Variants in RASAL1 observed in about 807,000 individuals in gnomAD.
RASAL1 encodes RAS protein activator like 1, also known as rasGAP-activating-like protein 1.
RASAL1 carries 72 observed loss-of-function variants against 96.6 expected under a neutral mutation model. That is an observed-to-expected ratio of 0.75 (90% CI 0.62 to 0.91). The LOEUF (loss-of-function observed/expected upper bound fraction) is 0.91. Ranked by LOEUF, RASAL1 falls within the 40% of genes least tolerant of loss-of-function variation. The pLI is 0.00. For synonymous variants in RASAL1, 405 were observed against 430.4 expected (o/e 0.94, Z 0.73); for missense variants, 1,016 against 1,072.5 (o/e 0.95, Z 0.74).
At chr12:113,125,650 T>A (rs1951454109) in intron 4 of RASAL1, among the ~76,000 whole-genome samples, 1 of 151,986 alleles carries the variant, frequency 6.6e-6, no homozygotes, top group African/African-American at 2.4e-5. Flanking sequence ...ACTGAGAGAG[T>A]GTGGGGTGAG....
In RASAL1 at chr12:113,130,711, G is replaced by A. The variant is rs1714438301; in HGVS notation, c.122+174C>T. ...ATTAGGTCCAGAGGGGGAAGGCAGGGCTGGTCGGGGAGAGGAGCTGGCAGT... is the reference window on the plus strand; with the variant it reads ...ATTAGGTCCAGAGGGGGAAGGCAGGACTGGTCGGGGAGAGGAGCTGGCAGT... On this transcript the variant is annotated intron_variant, in intron 2 of 20. Coordinates refer to ENST00000548055, the MANE Select transcript of RASAL1 (RefSeq NM_001301202.2). The surrounding 1 kb of genome is among the most constrained non-coding windows in gnomAD (Gnocchi z 5.1). 6.6e-6 allele frequency among the ~76,000 whole-genome samples: 1 copy of A among 152,162 alleles called. No homozygotes were observed. Among genetic ancestry groups the A allele is most frequent in the African/African-American group, 2.4e-5 (1 of 41,436 alleles).
intron 4 of RASAL1, among the ~76,000 whole-genome samples, chr12:113,124,172 C>A (rs1029738388): frequency 7.1e-6 from 1 of 141,446 alleles, no homozygotes; most frequent in Non-Finnish European, 1.5e-5. Flanking sequence ...GATCTGAGAT[C>A]ATGCCACTAC....
At position 113,115,971 on chromosome 12, in the gene RASAL1, A is replaced by C; in HGVS notation, c.812T>G (p.Met271Arg). The change falls in exon 9 of 21, where the codon ATG becomes AGG. Residue 271 changes from methionine (M) to arginine (R), a missense_variant. By Grantham distance (91) the Met-to-Arg change is moderately conservative. Coordinates refer to ENST00000548055, the MANE Select transcript of RASAL1 (RefSeq NM_001301202.2). The surrounding 1 kb of genome is among the most constrained non-coding windows in gnomAD (Gnocchi z 4.1). Reference sequence around the variant, plus strand: ...CTGCACAGACTCCATGAGCAGCTCCATGAGAGGCTGGTAGCACTGGGAGGG... The same window carrying C: ...CTGCACAGACTCCATGAGCAGCTCCCTGAGAGGCTGGTAGCACTGGGAGGG... ...VLPSQCYQPLMELLMESVQGP... is the reference protein window; with the variant it reads ...VLPSQCYQPLRELLMESVQGP... 6.2e-7 allele frequency: 1 copy of C among 1,609,580 alleles called. No homozygotes were observed. The highest frequency in any genetic ancestry group is 8.5e-7 in the Non-Finnish European group (1 of 1,177,518).
intron 18 of RASAL1, 113 bp downstream of exon 18, chr12:113,103,833 T>A: frequency 1.5e-6 from 2 of 1,353,490 alleles, no homozygotes; most frequent in Non-Finnish European, 2.0e-6. Flanking sequence ...GACTGAGGCA[T>A]AGAGAGGTTG....
intron 14 of RASAL1, 70 bp from the exon 15 acceptor site, chr12:113,107,311 A>T: frequency 6.8e-7 from 1 of 1,467,574 alleles, no homozygotes; most frequent in Non-Finnish European, 9.1e-7. Flanking sequence ...CTGGCTCCCA[A>T]ATCAGTGCTC....
Position 113,117,129 on chromosome 12 carries a change from C to CT in RASAL1, c.674dup (p.Pro226AlafsTer3), listed in dbSNP as rs765379930. 1 of 1,609,738 alleles carries CT rather than the reference C, an allele frequency of 6.2e-7. No individual in the cohort carries two copies. Among genetic ancestry groups the CT allele is most frequent in the Admixed American group, 1.7e-5 (1 of 59,788 alleles). On this transcript the variant is annotated frameshift_variant, in exon 8 of 21. Transcript: ENST00000548055. LOFTEE classifies it high-confidence loss of function. ...GGAGGCGGAACCAGCCTTTAGGTGGCTTCTGCTGGAGGGTCTTTGGAGAGA... is the reference window on the plus strand; with the variant it reads ...GGAGGCGGAACCAGCCTTTAGGTGGCTTTCTGCTGGAGGGTCTTTGGAGAGA...
intron 1 of RASAL1, among the ~76,000 whole-genome samples, chr12:113,131,969 T>TTC (rs1491258076): frequency 1.9e-5 from 2 of 102,750 alleles, no homozygotes; most frequent in African/African-American, 4.6e-5. Flanking sequence ...CTTCTTCTTC[T>TTC]TTTTTTTTTT....
In RASAL1 at chr12:113,129,524, G is replaced by A. The variant is rs1030973326; in HGVS notation, c.123-1346C>T. Reference sequence around the variant, plus strand: ...GACCAAGATAAGCCCAGAAACAGGTGCACACACACAGCATCTCTGCCCTGA... The same window carrying A: ...GACCAAGATAAGCCCAGAAACAGGTACACACACACAGCATCTCTGCCCTGA... On this transcript the variant is annotated intron_variant, in intron 2 of 20. Coordinates refer to ENST00000548055, the MANE Select transcript of RASAL1 (RefSeq NM_001301202.2). This position sits in a 1 kb window ranked among gnomAD's most constrained non-coding sequence, Gnocchi z 5.0. Among the ~76,000 whole-genome samples, 7 of 151,968 alleles carry A rather than the reference G, an allele frequency of 4.6e-5. No homozygotes were observed. Among genetic ancestry groups the A allele is most frequent in the African/African-American group, 1.7e-4 (7 of 41,358 alleles).
At chr12:113,127,991 C>G in intron 3 of RASAL1, 74 bp downstream of exon 3, 1 of 1,561,016 alleles carries the variant, frequency 6.4e-7, no homozygotes, top group Non-Finnish European at 8.8e-7. Flanking sequence ...GGCTGTGGAC[C>G]CACATCCCCT....
chr12:113,127,348 CA>C (rs1345559263), intron 4 of RASAL1, among the ~76,000 whole-genome samples: 1 of 152,052 alleles, frequency 6.6e-6, no homozygotes, highest in Non-Finnish European at 1.5e-5. Context: ...ATTAACTGCT[CA>C]AAAACTAAAG....
Position 113,108,183 on chromosome 12 carries a change from G to C in RASAL1, c.1414C>G (p.Arg472Gly), listed in dbSNP as rs145374624. Residue 472 changes from arginine to glycine, a missense_variant, in exon 14 of 21, where the codon CGA becomes GGA. Arg to Gly is a moderately radical substitution (Grantham distance 125, BLOSUM62 -2). Coordinates refer to ENST00000548055, the MANE Select transcript of RASAL1 (RefSeq NM_001301202.2). ...YLAISGFLFL[R>G]FFAPAILTPK... Reference sequence around the variant, plus strand: ...GTAAGGATGGCAGGTGCGAAGAATCGCAAGAAGAGAAATCCACTGATGGCC... The same window carrying C: ...GTAAGGATGGCAGGTGCGAAGAATCCCAAGAAGAGAAATCCACTGATGGCC... 20 of 1,613,244 alleles carry C rather than the reference G, an allele frequency of 1.2e-5. No homozygotes were observed. The highest frequency in any genetic ancestry group is 4.5e-5 in the East Asian group (2 of 44,832).
At chr12:113,117,450 T>C (rs2136192555) in intron 7 of RASAL1, among the ~76,000 whole-genome samples, 1 of 152,346 alleles carries the variant, frequency 6.6e-6, no homozygotes. Flanking sequence ...AGATAGCATG[T>C]CTGGACTGAG....
chr12:113,101,946 G>A lies in RASAL1; in HGVS notation c.2168C>T (p.Pro723Leu). ...TLGDWSDPLD[P>L]DAEAQTVYRQ... ...ATACACTGTCTGGGCCTCAGCATCAGGATCCAGTGGGTCACTCCAGTCCCC... is the reference window on the plus strand; with the variant it reads ...ATACACTGTCTGGGCCTCAGCATCAAGATCCAGTGGGTCACTCCAGTCCCC... The change falls in exon 19 of 21, where the codon CCT becomes CTT. Residue 723 changes from proline to leucine, a missense_variant. Pro to Leu is a moderately conservative substitution (Grantham distance 98). Coordinates refer to ENST00000548055, the MANE Select transcript of RASAL1 (RefSeq NM_001301202.2). 6.2e-7 allele frequency: 1 copy of A among 1,614,176 alleles called. No homozygotes were observed. The highest frequency in any genetic ancestry group is 8.5e-7 in the Non-Finnish European group (1 of 1,180,028).
At chr12:113,102,434 T>C (rs1218045244) in intron 18 of RASAL1, among the ~76,000 whole-genome samples, 1 of 152,214 alleles carries the variant, frequency 6.6e-6, no homozygotes, top group Non-Finnish European at 1.5e-5. Flanking sequence ...GGCTCATGCC[T>C]GTAATCTCAG....
At chr12:113,108,371 T>C in intron 13 of RASAL1, 149 bp from the exon 14 acceptor site, 1 of 975,298 alleles carries the variant, frequency 1.0e-6, no homozygotes, top group South Asian at 1.7e-5. Context: ...CGAGGAAGTT[T>C]TTCCTCTCTG....
chr12:113,109,469 G>T (rs1439602141), intron 13 of RASAL1, among the ~76,000 whole-genome samples: 1 of 151,942 alleles, frequency 6.6e-6, no homozygotes, highest in Non-Finnish European at 1.5e-5. Context: ...TGTGAATCCG[G>T]GGCCTGGCCC....
Position 113,130,896 on chromosome 12 carries a change from C to CTCG in RASAL1, c.108_110dup (p.Asp36dup), listed in dbSNP as rs1951680467. 6.2e-7 allele frequency: 1 copy of CTCG among 1,613,498 alleles called. No individual in the cohort carries two copies. Among genetic ancestry groups the CTCG allele is most frequent in the South Asian group, 1.1e-5 (1 of 91,024 alleles). On this transcript the variant is annotated inframe_insertion, in exon 2 of 21. Coordinates refer to ENST00000548055, the MANE Select transcript of RASAL1 (RefSeq NM_001301202.2). This position sits in a 1 kb window ranked among gnomAD's most constrained non-coding sequence, Gnocchi z 5.1. ...TCGCCACCCCTCACCTGGCCACCAC[C>CTCG]TCGTCGTCCACTTTCACTAGGCAGT...
At position 113,099,819 on chromosome 12, in the gene RASAL1, A is replaced by C; in HGVS notation, c.*110T>G. On this transcript the variant is annotated 3_prime_UTR_variant, in exon 21 of 21. Transcript: ENST00000548055. ...ACTAGGCACGTCTCTGGGAGCCTCCAAACCACAGAATCAAAGAGGTCCAAG... is the reference window on the plus strand; with the variant it reads ...ACTAGGCACGTCTCTGGGAGCCTCCCAACCACAGAATCAAAGAGGTCCAAG... 1 of 1,466,172 alleles carries C rather than the reference A, an allele frequency of 6.8e-7. No individual in the cohort carries two copies. The highest frequency in any genetic ancestry group is 9.2e-7 in the Non-Finnish European group (1 of 1,092,068). 90.8% of individuals were successfully genotyped at this position (1,466,172 alleles called of 1,614,324 possible). A position where few individuals can be genotyped will look rare whatever the true frequency, so the allele number is the denominator to read the frequency against.
chr12:113,101,990 T>C lies in RASAL1; in HGVS notation c.2124A>G (p.Thr708=), dbSNP rs773203954. ...AERSAAGCSR[T]HSAVTLGDWS... is the part of the protein sequence containing the mutation. ...AGTCCCCCAGGGTGACAGCTGAGTG[T>C]GTACGGCTGCAGCCGGCGGCTGAGG... The change falls in exon 19 of 21, where the codon ACA becomes ACG. Residue 708 remains threonine, a synonymous_variant. Transcript: ENST00000548055. 21 of 1,613,866 alleles carry C rather than the reference T, an allele frequency of 1.3e-5. No homozygotes were observed. In the East Asian group the frequency reaches 4.5e-4, roughly 34 times the overall value.
Sources: gnomAD v4.1 joint callset for allele counts (sites outside exome capture counted in the v4.1 genomes callset) on GRCh38, gnomAD v4.1.1 for gene constraint, Gnocchi (gnomAD v3.1) non-coding constraint, MANE v1.5 for transcripts, NCBI Gene and HGNC (gene_info 2026-07-23, HGNC 2026-07-21) for gene names.